Variants in NCAM2 observed in about 807,000 individuals in gnomAD.
NCAM2 encodes neural cell adhesion molecule 2.
NCAM2 carries 30 observed loss-of-function variants against 98.1 expected under a neutral mutation model. The ratio of observed to expected loss-of-function variants is 0.31; its 90% CI spans 0.23 to 0.41. The LOEUF (loss-of-function observed/expected upper bound fraction) is 0.41. NCAM2 is among the 10% of genes least tolerant of loss of function. The pLI, the probability that NCAM2 is intolerant of heterozygous loss-of-function variation, is 1.00. For synonymous variants in NCAM2, 368 were observed against 342.4 expected (o/e 1.07, Z -0.83); for missense variants, 867 against 1,005.8 (o/e 0.86, Z 1.87).
chr21:21,342,813 A>G (rs545908575), intron 8 of NCAM2, among the ~76,000 whole-genome samples: 10 of 152,154 alleles, frequency 6.6e-5, no homozygotes, highest in Non-Finnish European at 1.0e-4. Flanking sequence ...TGCATCTACA[A>G]TTTATCTCAA....
chr21:21,126,550 A>G (rs1403157006), intron 1 of NCAM2, among the ~76,000 whole-genome samples: 2 of 151,902 alleles, frequency 1.3e-5, no homozygotes, highest in South Asian at 2.1e-4. Context: ...TTCTCTACCT[A>G]TTTGTGTTTG....
intron 15 of NCAM2, among the ~76,000 whole-genome samples, chr21:21,488,579 G>C (rs575314966): frequency 5.6e-4 from 85 of 152,010 alleles, no homozygotes; most frequent in African/African-American, 2.0e-3. Context: ...GATGGATACT[G>C]ATATCAATAC....
Position 21,225,316 on chromosome 21 carries a change from G to A in NCAM2, c.56-55262G>A, listed in dbSNP as rs575501547. 2.0e-5 allele frequency among the ~76,000 whole-genome samples: 3 copies of A among 152,046 alleles called. No homozygotes were observed. In the South Asian group the frequency reaches 6.2e-4, roughly 32 times the overall value. On this transcript the variant is annotated intron_variant, in intron 1 of 17. Coordinates refer to ENST00000400546, the MANE Select transcript of NCAM2 (RefSeq NM_004540.5). ...AATACATACTGGACTTAATACTTAG[G>A]TAATGGGTTGATAGGTGCAGCAAAC...
At position 21,304,937 on chromosome 21, in the gene NCAM2, A is replaced by G. The variant is rs375880034; in HGVS notation, c.619+12696A>G. On this transcript the variant is annotated intron_variant, in intron 5 of 17. Coordinates refer to ENST00000400546, the MANE Select transcript of NCAM2 (RefSeq NM_004540.5). ...ATTGTAGCATCATATATAAAGATAG[A>G]TAATATATTCTGAAATGTACTAAAT... Among the ~76,000 whole-genome samples the G allele has an allele frequency of 6.4e-4, 97 of 152,318 alleles. 1 individual carries two copies. The South Asian group carries it at 0.02, about 31-fold the overall frequency.
intron 1 of NCAM2, among the ~76,000 whole-genome samples, chr21:21,050,840 T>A (rs990692850): frequency 6.6e-6 from 1 of 152,232 alleles, no homozygotes; most frequent in Non-Finnish European, 1.5e-5. Flanking sequence ...ACTATTTTAG[T>A]TATCATTAGT....
chr21:21,433,024 G>C (rs919613704), intron 12 of NCAM2, among the ~76,000 whole-genome samples: 2 of 152,132 alleles, frequency 1.3e-5, no homozygotes, highest in African/African-American at 4.8e-5. Context: ...TATGGTGTAG[G>C]GGTTCAGTAA....
At chr21:21,469,572 T>C (rs1984164694) in intron 14 of NCAM2, among the ~76,000 whole-genome samples, 1 of 152,042 alleles carries the variant, frequency 6.6e-6, no homozygotes, top group Non-Finnish European at 1.5e-5. Context: ...TGAATCCATA[T>C]TAGTGCTATC....
chr21:21,262,442 T>G (rs2071942231), intron 1 of NCAM2, among the ~76,000 whole-genome samples: 1 of 151,920 alleles, frequency 6.6e-6, no homozygotes, highest in Admixed American at 6.6e-5. Context: ...CCCTGATGAA[T>G]ATAGATGCAA....
chr21:21,100,604 TATAAA>T (rs956666149), intron 1 of NCAM2, among the ~76,000 whole-genome samples: 9 of 152,102 alleles, frequency 5.9e-5, no homozygotes, highest in African/African-American at 2.2e-4. Context: ...AAGGAAATCT[TATAAA>T]AGACAATTAC....
intron 1 of NCAM2, among the ~76,000 whole-genome samples, chr21:21,082,225 TAA>T (rs57713170): frequency 2.1e-4 from 17 of 82,896 alleles, no homozygotes; most frequent in African/African-American, 3.1e-4. Context: ...GAGAATCCTT[TAA>T]AAAAAAAAAA....
intron 1 of NCAM2, among the ~76,000 whole-genome samples, chr21:21,076,159 A>G (rs2065678157): frequency 6.6e-6 from 1 of 151,936 alleles, no homozygotes; most frequent in Admixed American, 6.6e-5. Flanking sequence ...CAGCATTTTC[A>G]AAAGTTCAAT....
At chr21:21,184,227 A>G (rs941495334) in intron 1 of NCAM2, among the ~76,000 whole-genome samples, 1 of 152,040 alleles carries the variant, frequency 6.6e-6, no homozygotes, top group African/African-American at 2.4e-5. Flanking sequence ...AAGGAATACA[A>G]CCAGGGAATT....
chr21:21,192,926 G>A (rs541016695), intron 1 of NCAM2, among the ~76,000 whole-genome samples: 1 of 152,314 alleles, frequency 6.6e-6, no homozygotes, highest in Admixed American at 6.5e-5. Context: ...GAGGCAAGGG[G>A]AGTAGAGTGA....
intron 1 of NCAM2, among the ~76,000 whole-genome samples, chr21:21,075,336 T>C (rs1316552373): frequency 6.6e-6 from 1 of 152,170 alleles, no homozygotes; most frequent in Non-Finnish European, 1.5e-5. Flanking sequence ...TAAAGTATAA[T>C]TTTTTTAAAA....
At chr21:21,129,329 C>CA (rs1307914950) in intron 1 of NCAM2, among the ~76,000 whole-genome samples, 8 of 151,902 alleles carry the variant, frequency 5.3e-5, no homozygotes, top group Admixed American at 1.3e-4. Flanking sequence ...TTATGATTAC[C>CA]ACAGTCAACA....
At chr21:21,254,105 A>C (rs1415634355) in intron 1 of NCAM2, among the ~76,000 whole-genome samples, 1 of 152,238 alleles carries the variant, frequency 6.6e-6, no homozygotes, top group Non-Finnish European at 1.5e-5. Flanking sequence ...ACTGAAAATC[A>C]AGGCAGTAAA....
rs1301071049 is a variant in NCAM2, at chr21:21,166,041, G to T, written c.56-114537G>T. ...TGATGCCTATTGCTTTATTCCCTGA[G>T]AAACCTATTGTATTTTTCAGGTCTG... On this transcript the variant is annotated intron_variant, in intron 1 of 17. Coordinates refer to ENST00000400546, the MANE Select transcript of NCAM2 (RefSeq NM_004540.5). Among the ~76,000 whole-genome samples the T allele has an allele frequency of 3.3e-5, 5 of 152,254 alleles. No homozygotes were observed. In the East Asian group the frequency reaches 5.8e-4, roughly 18 times the overall value.
intron 1 of NCAM2, among the ~76,000 whole-genome samples, chr21:21,271,466 CTA>C (rs777941882): frequency 3.9e-5 from 6 of 152,238 alleles, no homozygotes; most frequent in Non-Finnish European, 8.8e-5. Context: ...TTAAATAGCA[CTA>C]AATTATTTTG....
chr21:21,056,462 C>T (rs545623146), intron 1 of NCAM2, among the ~76,000 whole-genome samples: 2 of 142,688 alleles, frequency 1.4e-5, no homozygotes, highest in African/African-American at 5.2e-5. Context: ...GGGTAATTGA[C>T]AGTTTAGAGC....
Sources: gnomAD v4.1 joint callset for allele counts (sites outside exome capture counted in the v4.1 genomes callset) on GRCh38, gnomAD v4.1.1 for gene constraint, MANE v1.5 for transcripts, NCBI Gene and HGNC (gene_info 2026-07-23, HGNC 2026-07-21) for gene names.